PRDM5: variants seen among roughly 807,000 people sequenced by gnomAD.
PRDM5 encodes the protein PR domain zinc finger protein 5.
In PRDM5, 56 loss-of-function variants were observed where a neutral mutation model predicts 81.2. The ratio of observed to expected loss-of-function variants is 0.69; its 90% CI spans 0.56 to 0.86. PRDM5 has a LOEUF of 0.86. Ranked by LOEUF, PRDM5 falls within the 40% of genes least tolerant of loss-of-function variation. The pLI is 0.00. For missense variants in PRDM5, 697 were observed against 770.1 expected (o/e 0.91, Z 1.12); for synonymous variants, 267 against 256.4 (o/e 1.04, Z -0.39).
chr4:120,794,104 G>A (rs1750995832), intron 10 of PRDM5, among the ~76,000 whole-genome samples: 1 of 152,144 alleles, frequency 6.6e-6, no homozygotes, highest in African/African-American at 2.4e-5. Context: ...AATCCTGCAT[G>A]TCCCTCATAA....
intron 14 of PRDM5, among the ~76,000 whole-genome samples, chr4:120,738,733 C>T (rs1425184995): frequency 6.6e-6 from 1 of 152,086 alleles, no homozygotes; most frequent in African/African-American, 2.4e-5. Context: ...GAGCTCTGTC[C>T]ATAAATGTTT....
chr4:120,810,895 C>T (rs1224092726), intron 8 of PRDM5, among the ~76,000 whole-genome samples: 4 of 152,136 alleles, frequency 2.6e-5, no homozygotes, highest in Non-Finnish European at 4.4e-5. Context: ...ATGGTTGGAG[C>T]TACTGGATTA....
chr4:120,741,224 C>T (rs189532352), intron 14 of PRDM5, among the ~76,000 whole-genome samples: 25 of 152,208 alleles, frequency 1.6e-4, no homozygotes, highest in African/African-American at 5.3e-4. Context: ...ATCCTCTATA[C>T]GATGCTTCTG....
rs748042897 is a variant in PRDM5, at chr4:120,798,254, T to G, written c.1188+13A>C. The G allele has an allele frequency of 2.5e-5, 37 of 1,495,504 alleles. No individual in the cohort carries two copies. Among genetic ancestry groups the G allele is most frequent in the Non-Finnish European group, 3.3e-5 (37 of 1,112,184 alleles). 92.6% of individuals were successfully genotyped at this position (1,495,504 alleles called of 1,614,324 possible). On this transcript the variant is annotated intron_variant, in intron 10 of 15. Transcript: ENST00000264808. ...AATTCATAAAAAATAATAATAATAT[T>G]AATAAGTTTTACCTTCTTATGATTC...
intron 15 of PRDM5, among the ~76,000 whole-genome samples, chr4:120,702,671 C>A (rs1019058933): frequency 1.3e-5 from 2 of 152,114 alleles, no homozygotes; most frequent in Non-Finnish European, 2.9e-5. Flanking sequence ...CCAAAGACTG[C>A]AGAATAATCC....
chr4:120,763,253 C>T (rs1450662961), intron 13 of PRDM5, among the ~76,000 whole-genome samples: 1 of 151,976 alleles, frequency 6.6e-6, no homozygotes, highest in African/African-American at 2.4e-5. Flanking sequence ...GGTGGATTTA[C>T]TGAGGGTGAA....
At chr4:120,872,169 AAAAAAC>A (rs1761895813) in intron 2 of PRDM5, among the ~76,000 whole-genome samples, 1 of 147,442 alleles carries the variant, frequency 6.8e-6, no homozygotes, top group Non-Finnish European at 1.5e-5. Context: ...AAAAAAAAAA[AAAAAAC>A]CTGTACAGAG....
At chr4:120,848,268 T>C (rs1758875215) in intron 3 of PRDM5, among the ~76,000 whole-genome samples, 1 of 152,090 alleles carries the variant, frequency 6.6e-6, no homozygotes, top group South Asian at 2.1e-4. Flanking sequence ...GCTTTGAAAA[T>C]TGTCAGTAGT....
At chr4:120,736,186 G>C (rs1204449688) in intron 14 of PRDM5, among the ~76,000 whole-genome samples, 1 of 145,290 alleles carries the variant, frequency 6.9e-6, no homozygotes, top group African/African-American at 2.6e-5. Flanking sequence ...TTCTATGCTT[G>C]AATACTATCC....
chr4:120,907,134 A>G (rs944388043), intron 2 of PRDM5, among the ~76,000 whole-genome samples: 1 of 152,210 alleles, frequency 6.6e-6, no homozygotes, highest in African/African-American at 2.4e-5. Flanking sequence ...CAGAAGTTCA[A>G]GACCAGCCTG....
chr4:120,863,552 C>A (rs1579034086), intron 2 of PRDM5, among the ~76,000 whole-genome samples: 2 of 152,164 alleles, frequency 1.3e-5, no homozygotes, highest in Non-Finnish European at 1.5e-5. Flanking sequence ...AAAGTTTTAT[C>A]ATACAAATAC....
intron 2 of PRDM5, among the ~76,000 whole-genome samples, chr4:120,863,506 C>G (rs1031077586): frequency 1.3e-5 from 2 of 151,906 alleles, no homozygotes; most frequent in Non-Finnish European, 2.9e-5. Context: ...TACAAATTTG[C>G]AAATAGGAGA....
chr4:120,845,881 A>T (rs1758598849), intron 3 of PRDM5, among the ~76,000 whole-genome samples: 1 of 152,226 alleles, frequency 6.6e-6, no homozygotes, highest in Non-Finnish European at 1.5e-5. Context: ...CAACATGAAC[A>T]GAAGTTTAGA....
chr4:120,827,065 T>A (rs6818794), intron 3 of PRDM5, among the ~76,000 whole-genome samples: 6,648 of 152,220 alleles, frequency 0.044, 192 homozygotes, highest in African/African-American at 0.087. Flanking sequence ...AAGTGAGTCA[T>A]TCATAATCCC....
intron 3 of PRDM5, among the ~76,000 whole-genome samples, chr4:120,841,050 C>G (rs1757973886): frequency 6.6e-6 from 1 of 152,114 alleles, no homozygotes; most frequent in African/African-American, 2.4e-5. Context: ...AATTTTGTAT[C>G]CTTTAACAAA....
exon 2 of PRDM5, chr4:120,684,980 G>T (rs1032625949): frequency 2.0e-5 from 3 of 151,808 alleles, no homozygotes; most frequent in African/African-American, 7.3e-5. Context: ...ACAAATTTCG[G>T]TTTCTTAATC....
intron 1 of PRDM5, among the ~76,000 whole-genome samples, chr4:120,685,291 A>C (rs941947637): frequency 2.6e-5 from 4 of 152,130 alleles, no homozygotes; most frequent in African/African-American, 9.7e-5. Context: ...ATTAAGTTTT[A>C]AGATAAGAGC....
At chr4:120,735,633 T>G (rs1354760618) in intron 14 of PRDM5, among the ~76,000 whole-genome samples, 2 of 152,130 alleles carry the variant, frequency 1.3e-5, no homozygotes, top group Admixed American at 6.5e-5. Flanking sequence ...AGATGTTTTA[T>G]TCCTTGCTCT....
intron 10 of PRDM5, among the ~76,000 whole-genome samples, chr4:120,795,642 G>A (rs1419485257): frequency 1.3e-5 from 2 of 151,470 alleles, no homozygotes; most frequent in African/African-American, 2.4e-5. Context: ...GCCAGGCACC[G>A]TGTCTCTCAC....
Sources: allele counts gnomAD v4.1 joint callset (sites outside exome capture counted in the v4.1 genomes callset), GRCh38; gene constraint gnomAD v4.1.1; transcripts MANE v1.5; gene names NCBI Gene and HGNC (gene_info 2026-07-23, HGNC 2026-07-21).